IL17B: variants seen among roughly 807,000 people sequenced by gnomAD.
IL17B encodes the protein interleukin 17B.
Under a neutral mutation model 14.7 loss-of-function variants are expected in IL17B, and 14 were observed. That is an observed-to-expected ratio of 0.95 (90% CI 0.63 to 1.49). The LOEUF (loss-of-function observed/expected upper bound fraction) is 1.49, where lower values mean the gene tolerates loss of function less well. Among genes scored for constraint, IL17B ranks in the 40% most tolerant of loss-of-function variants. The pLI, the probability that IL17B is intolerant of heterozygous loss-of-function variation, is 0.00. For missense variants in IL17B, 233 were observed against 252.8 expected (o/e 0.92, Z 0.53); for synonymous variants, 105 against 94.8 (o/e 1.11, Z -0.62).
At chr5:149,384,198 C>T (rs1257088889), upstream of IL17B, among the ~76,000 whole-genome samples, 1 of 152,192 alleles carries the variant, frequency 6.6e-6, no homozygotes, top group Non-Finnish European at 1.5e-5. Context: ...CAGAAGCCCT[C>T]CTCCTGTGGG....
chr5:149,400,038 T>A (rs186907318), intron 1 of IL17B, among the ~76,000 whole-genome samples: 43 of 152,296 alleles, frequency 2.8e-4, no homozygotes, highest in Non-Finnish European at 5.0e-4. Flanking sequence ...AGTGGTCCCT[T>A]ACACATGTTT....
intron 1 of IL17B, among the ~76,000 whole-genome samples, chr5:149,391,627 C>A (rs1758966238): frequency 6.6e-6 from 1 of 152,220 alleles, no homozygotes; most frequent in East Asian, 1.9e-4. Context: ...CCTCCAACCA[C>A]TGGGCCCCCT....
At chr5:149,384,193 G>C (rs1190501732), upstream of IL17B, among the ~76,000 whole-genome samples, 2 of 152,172 alleles carry the variant, frequency 1.3e-5, no homozygotes, top group African/African-American at 4.8e-5. Context: ...TTTTGCAGAA[G>C]CCCTCCTCCT....
At position 149,374,467 on chromosome 5, in the gene IL17B, C is replaced by T; in HGVS notation, c.445G>A (p.Val149Met). 6.2e-7 allele frequency: 1 copy of T among 1,612,504 alleles called. No homozygotes were observed. The highest frequency in any genetic ancestry group is 8.5e-7 in the Non-Finnish European group (1 of 1,179,846). The stretch of plus-strand genomic sequence containing the variant: ...GGTGGCGGGCAGAGGCGGCGGCGCA[C>T]AGGAACCTGGCTGAACACCGGCACG... Reference protein sequence around the residue: ...VSVPVFSQVPVRRRLCPPPPR... With the variant: ...VSVPVFSQVPMRRRLCPPPPR... The change falls in exon 3 of 3, where the codon GTG (valine) becomes ATG (methionine). Residue 149 changes from valine to methionine, a missense_variant. Transcript: ENST00000261796. This position sits in a 1 kb window ranked among gnomAD's most constrained non-coding sequence, Gnocchi z 5.0.
Sources: gnomAD v4.1 joint callset for allele counts (sites outside exome capture counted in the v4.1 genomes callset) on GRCh38, gnomAD v4.1.1 for gene constraint, Gnocchi (gnomAD v3.1) non-coding constraint, MANE v1.5 for transcripts, NCBI Gene and HGNC (gene_info 2026-07-23, HGNC 2026-07-21) for gene names.